Variants in TBC1D8B observed in about 807,000 individuals in gnomAD.
The protein encoded by TBC1D8B is RP11-321G1.1.
Under a neutral mutation model 82.9 loss-of-function variants are expected in TBC1D8B, and 75 were observed. The observed-to-expected ratio is 0.90, with a 90% confidence interval of 0.75 to 1.10. The LOEUF (loss-of-function observed/expected upper bound fraction) is 1.10. Ranked by LOEUF, TBC1D8B falls within the 50% of genes least tolerant of loss-of-function variation. The probability of loss-of-function intolerance (pLI) is 0.00; values close to 1 mark genes in which losing one functional copy is unlikely to be tolerated. For synonymous variants in TBC1D8B, 276 were observed against 276.8 expected (o/e 1.00, Z 0.03); for missense variants, 794 against 796.9 (o/e 1.00, Z 0.04).
At chrX:106,828,393 A>G (rs1335690752) in intron 7 of TBC1D8B, 1 of 87,741 alleles carries the variant, frequency 1.1e-5, no homozygotes, top group Non-Finnish European at 2.3e-5. Flanking sequence ...TCCTTCTGAA[A>G]CTATTCCAAT....
intron 10 of TBC1D8B, among the ~76,000 whole-genome samples, chrX:106,846,774 T>C (rs1241510148): frequency 9.0e-6 from 1 of 111,436 alleles, no homozygotes; most frequent in Non-Finnish European, 1.9e-5. Flanking sequence ...CAAATCTATA[T>C]GAAAGGTATG....
chrX:106,827,487 C>G lies in TBC1D8B; in HGVS notation c.1203+150C>G, dbSNP rs993987697. On this transcript the variant is annotated intron_variant, in intron 7 of 20. Coordinates refer to ENST00000357242, the MANE Select transcript of TBC1D8B (RefSeq NM_017752.3). ...ATCTAAGAAATTATATTGTCTAACT[C>G]ACATCCTTAAGCAGAAGTGAGAATT... is the stretch of plus-strand genomic sequence containing the variant. The G allele has an allele frequency of 2.5e-5, 14 of 552,474 alleles. No homozygotes were observed. The African/African-American group carries it at 3.3e-4, about 13-fold the overall frequency. 45.5% of individuals were successfully genotyped at this position (552,474 alleles called of 1,213,427 possible).
At chrX:106,825,743 T>C (rs934196427) in intron 5 of TBC1D8B, among the ~76,000 whole-genome samples, 23 of 111,174 alleles carry the variant, frequency 2.1e-4, no homozygotes, top group Non-Finnish European at 3.4e-4. Context: ...ATAATAGTCT[T>C]CTAGGAAATC....
chrX:106,830,959 T>G (rs1372982260), intron 7 of TBC1D8B, among the ~76,000 whole-genome samples: 5 of 107,153 alleles, frequency 4.7e-5, no homozygotes, highest in Middle Eastern at 4.9e-3. Flanking sequence ...AATAAATAAA[T>G]AAATAAATAA....
Position 106,827,290 on chromosome X carries a change from C to T in TBC1D8B, c.1156C>T (p.Leu386Phe). The T allele has an allele frequency of 8.3e-7, 1 of 1,210,984 alleles. No homozygotes were observed. Among genetic ancestry groups the T allele is most frequent in the Non-Finnish European group, 1.1e-6 (1 of 895,082 alleles). ...TGAACAACTGGTAGCAAAACTCAGGCTCAGATGCGGAGCAGCTTCAACTCA... is the reference window on the plus strand; with the variant it reads ...TGAACAACTGGTAGCAAAACTCAGGTTCAGATGCGGAGCAGCTTCAACTCA... ...DFEQLVAKLR[L>F]RCGAASTQYH... Residue 386 changes from leucine (L) to phenylalanine (F), a missense_variant, in exon 7 of 21, where the codon CTC (leucine) becomes TTC (phenylalanine). By Grantham distance (22) the Leu-to-Phe change is conservative. Coordinates refer to ENST00000357242, the MANE Select transcript of TBC1D8B (RefSeq NM_017752.3).
chrX:106,853,680 G>A, intron 13 of TBC1D8B, 30 bp downstream of exon 13: 1 of 1,161,773 alleles, frequency 8.6e-7, no homozygotes, highest in Non-Finnish European at 1.2e-6. Flanking sequence ...AAATATATTA[G>A]CTAGCATATT....
chrX:106,840,951 C>A lies in TBC1D8B; in HGVS notation c.1719+67C>A, dbSNP rs1243395786. The A allele has an allele frequency of 5.9e-6, 6 of 1,013,327 alleles. No homozygotes were observed. The African/African-American group carries it at 1.1e-4, about 19-fold the overall frequency. The allele number at this position is 1,013,327 out of a possible 1,213,427, so 83.5% of individuals were successfully genotyped here. On this transcript the variant is annotated intron_variant, in intron 10 of 20. Coordinates refer to ENST00000357242, the MANE Select transcript of TBC1D8B (RefSeq NM_017752.3). Reference sequence around the variant, plus strand: ...TAAAATCACATCAAATCCAATTCCACTAATTTGGAAGTGGCGATTATAAGG... The same window carrying A: ...TAAAATCACATCAAATCCAATTCCAATAATTTGGAAGTGGCGATTATAAGG...
chrX:106,806,572 G>A (rs1312474802), intron 1 of TBC1D8B, among the ~76,000 whole-genome samples: 2 of 111,341 alleles, frequency 1.8e-5, no homozygotes, highest in Middle Eastern at 4.2e-3. Flanking sequence ...CTAGTATATG[G>A]GATTTAGGAA....
At position 106,875,062 on chromosome X, in the gene TBC1D8B, A is replaced by G. The variant is rs753337524; in HGVS notation, c.*1097A>G. On this transcript the variant is annotated 3_prime_UTR_variant, in exon 21 of 21. Transcript: ENST00000357242. ...ACTTTATGCTGTTTATATTTCAGTCATTACACCAAGTCCATTTAGAGATAA... is the reference window on the plus strand; with the variant it reads ...ACTTTATGCTGTTTATATTTCAGTCGTTACACCAAGTCCATTTAGAGATAA... 1.8e-5 allele frequency: 2 copies of G among 111,024 alleles called. No individual in the cohort carries two copies. The highest frequency in any genetic ancestry group is 6.5e-5 in the African/African-American group (2 of 30,555). The allele number at this position is 111,024 out of a possible 1,213,427, so 9.1% of individuals were successfully genotyped here. A position where few individuals can be genotyped will look rare whatever the true frequency, so the allele number is the denominator to read the frequency against.
chrX:106,811,635 T>C (rs1232034547), intron 1 of TBC1D8B, among the ~76,000 whole-genome samples: 1 of 112,335 alleles, frequency 8.9e-6, no homozygotes, highest in Non-Finnish European at 1.9e-5. Flanking sequence ...GGTTTAGTTC[T>C]TCTAAATAAT....
chrX:106,804,792 A>G (rs755457669), intron 1 of TBC1D8B, among the ~76,000 whole-genome samples: 1 of 110,197 alleles, frequency 9.1e-6, no homozygotes, highest in East Asian at 2.9e-4. Flanking sequence ...GAGAGACTGA[A>G]ATGGGAGGAT....
chrX:106,869,609 AG>A (rs1602440121), intron 19 of TBC1D8B, 68 bp downstream of exon 19: 6 of 900,785 alleles, frequency 6.7e-6, no homozygotes, highest in Non-Finnish European at 9.3e-6. Context: ...ATAGCTACAA[AG>A]GGGGAAAAGG....
At chrX:106,838,639 C>G (rs1385004774) in intron 7 of TBC1D8B, among the ~76,000 whole-genome samples, 1 of 111,817 alleles carries the variant, frequency 8.9e-6, no homozygotes, top group African/African-American at 3.3e-5. Flanking sequence ...TCAGGTCTTC[C>G]TTTTAAATCT....
chrX:106,839,207 T>C (rs1415049451), intron 7 of TBC1D8B, 101 bp from the exon 8 acceptor site: 7 of 863,021 alleles, frequency 8.1e-6, no homozygotes, highest in African/African-American at 4.1e-5. Flanking sequence ...ATTTGTTATG[T>C]ATACAGATTG....
chrX:106,849,363 T>C, intron 11 of TBC1D8B: 1 of 1,092,568 alleles, frequency 9.2e-7, no homozygotes, highest in Non-Finnish European at 1.2e-6. Context: ...TTCTACTACT[T>C]ACTCCTATTC....
chrX:106,861,745 G>T (rs921643584), intron 14 of TBC1D8B, among the ~76,000 whole-genome samples: 3 of 111,538 alleles, frequency 2.7e-5, no homozygotes, highest in Non-Finnish European at 5.7e-5. Context: ...TACATTCAAG[G>T]TTAATATTAA....
At chrX:106,837,601 T>C (rs1932203341) in intron 7 of TBC1D8B, among the ~76,000 whole-genome samples, 1 of 111,232 alleles carries the variant, frequency 9.0e-6, no homozygotes, top group Non-Finnish European at 1.9e-5. Flanking sequence ...GAATGTAAAA[T>C]GGTACAACCC....
intron 11 of TBC1D8B, among the ~76,000 whole-genome samples, chrX:106,848,698 T>C (rs957459477): frequency 9.0e-6 from 1 of 111,648 alleles, no homozygotes; most frequent in Admixed American, 9.6e-5. Context: ...ATCTCCATAT[T>C]TGTATGAATT....
chrX:106,872,455 TTATATATATA>T (rs61326496), intron 20 of TBC1D8B, among the ~76,000 whole-genome samples: 7 of 73,300 alleles, frequency 9.5e-5, no homozygotes, highest in African/African-American at 3.6e-4. Context: ...AGAAAAATAT[TTATATATATA>T]TATATATATA....
Sources: allele counts gnomAD v4.1 joint callset (sites outside exome capture counted in the v4.1 genomes callset), GRCh38; gene constraint gnomAD v4.1.1; transcripts MANE v1.5; gene names NCBI Gene and HGNC (gene_info 2026-07-23, HGNC 2026-07-21).